Variants in PLPPR1 observed in about 807,000 individuals in gnomAD.
PLPPR1 encodes the protein phospholipid phosphatase-related protein type 1.
In PLPPR1, 10 loss-of-function variants were observed where a neutral mutation model predicts 33.1. The observed-to-expected ratio is 0.30, with a 90% confidence interval of 0.19 to 0.51. The LOEUF (loss-of-function observed/expected upper bound fraction) is 0.51, where lower values mean the gene tolerates loss of function less well. Ranked by LOEUF, PLPPR1 falls within the 20% of genes least tolerant of loss-of-function variation. The pLI is 0.97. For synonymous variants in PLPPR1, 151 were observed against 151.0 expected, an observed-to-expected ratio of 1.00 and a Z score of 0.00; for missense variants, 304 against 408.1, an observed-to-expected ratio of 0.74 and a Z score of 2.20.
chr9:101,087,633 C>T (rs570333161), intron 1 of PLPPR1, among the ~76,000 whole-genome samples: 2 of 152,208 alleles, frequency 1.3e-5, no homozygotes, highest in Admixed American at 1.3e-4. Context: ...TCTTTGTTCT[C>T]AGAAAATGTG....
At chr9:101,085,185 G>A (rs1478162767) in intron 1 of PLPPR1, among the ~76,000 whole-genome samples, 1 of 152,158 alleles carries the variant, frequency 6.6e-6, no homozygotes, top group African/African-American at 2.4e-5. Flanking sequence ...ACACAAGAGG[G>A]AGGGGGTGAA....
At chr9:101,291,162 A>G (rs1027199103) in intron 4 of PLPPR1, among the ~76,000 whole-genome samples, 1 of 152,204 alleles carries the variant, frequency 6.6e-6, no homozygotes, top group Non-Finnish European at 1.5e-5. Flanking sequence ...GGAGGGTCCT[A>G]CGCCCATGGA....
At chr9:101,046,766 C>A (rs958265953) in intron 1 of PLPPR1, among the ~76,000 whole-genome samples, 3 of 152,136 alleles carry the variant, frequency 2.0e-5, no homozygotes, top group Non-Finnish European at 4.4e-5. Flanking sequence ...GTTACAAAAC[C>A]CAGTAAAACA....
chr9:101,122,866 A>T (rs1325288359), intron 1 of PLPPR1, among the ~76,000 whole-genome samples: 1 of 152,218 alleles, frequency 6.6e-6, no homozygotes, highest in African/African-American at 2.4e-5. Context: ...GCTGTGTTTC[A>T]GTTCTGTCCA....
At chr9:101,252,270 T>TA (rs1383010163) in intron 2 of PLPPR1, among the ~76,000 whole-genome samples, 5 of 152,156 alleles carry the variant, frequency 3.3e-5, no homozygotes, top group Non-Finnish European at 7.4e-5. Context: ...AACATTTCCA[T>TA]AAATGCACAG....
chr9:101,061,085 C>G (rs78121032), intron 1 of PLPPR1, among the ~76,000 whole-genome samples: 2 of 151,774 alleles, frequency 1.3e-5, no homozygotes, highest in African/African-American at 2.4e-5. Flanking sequence ...AATTAACTTC[C>G]CAGTGTGGAT....
At chr9:101,092,546 T>C (rs1484507626) in intron 1 of PLPPR1, among the ~76,000 whole-genome samples, 1 of 152,186 alleles carries the variant, frequency 6.6e-6, no homozygotes, top group Non-Finnish European at 1.5e-5. Flanking sequence ...AGCCTTATCC[T>C]ACCTCTCTGT....
chr9:101,095,096 G>A (rs1830799024), intron 1 of PLPPR1, among the ~76,000 whole-genome samples: 1 of 152,126 alleles, frequency 6.6e-6, no homozygotes. Context: ...CCCTTTCTCA[G>A]ATCTTCAAAT....
Position 101,317,454 on chromosome 9 carries a change from T to C in PLPPR1, c.903T>C (p.Ala301=). ...ATCCCCGTGGAGTACCCCTAATGGC[T>C]TTCCCAAGGATAGAAAGCCCTCTGG... ...PEDPRGVPLM[A]FPRIESPLET... The change falls in exon 7 of 8, where the codon GCT becomes GCC. Residue 301 remains alanine (A), a synonymous_variant. Transcript: ENST00000374874. 1 of 1,614,052 alleles carries C rather than the reference T, an allele frequency of 6.2e-7. No homozygotes were observed. The highest frequency in any genetic ancestry group is 8.5e-7 in the Non-Finnish European group (1 of 1,179,988).
At chr9:101,073,867 G>T (rs1250319620) in intron 1 of PLPPR1, among the ~76,000 whole-genome samples, 1 of 151,932 alleles carries the variant, frequency 6.6e-6, no homozygotes, top group East Asian at 1.9e-4. Flanking sequence ...TAATCTATAT[G>T]AATCTGTTTT....
At chr9:101,164,792 GTGTT>G (rs901805759) in intron 1 of PLPPR1, among the ~76,000 whole-genome samples, 1 of 152,098 alleles carries the variant, frequency 6.6e-6, no homozygotes, top group South Asian at 2.1e-4. Flanking sequence ...GTTTTTCAGG[GTGTT>G]TGTTTGTTTG....
chr9:101,184,209 G>T (rs1826166489), intron 1 of PLPPR1, among the ~76,000 whole-genome samples: 1 of 151,664 alleles, frequency 6.6e-6, no homozygotes, highest in East Asian at 1.9e-4. Flanking sequence ...AATTTTAATT[G>T]AAAAAAATTA....
intron 1 of PLPPR1, among the ~76,000 whole-genome samples, chr9:101,029,851 T>C (rs1201536718): frequency 6.6e-6 from 1 of 152,198 alleles, no homozygotes; most frequent in Non-Finnish European, 1.5e-5. Context: ...CGCTGGGAGC[T>C]GAACAGGGGC....
At chr9:101,183,336 A>G (rs937450635) in intron 1 of PLPPR1, among the ~76,000 whole-genome samples, 5 of 151,866 alleles carry the variant, frequency 3.3e-5, no homozygotes, top group Admixed American at 1.3e-4. Context: ...TAAAAGGAAA[A>G]AAATTACTGA....
chr9:101,286,266 C>G, intron 4 of PLPPR1, 30 bp downstream of exon 4: 1 of 1,565,400 alleles, frequency 6.4e-7, no homozygotes. Flanking sequence ...GAACTAAGCT[C>G]TCACATAAAA....
At chr9:101,156,050 G>A (rs1258055371) in intron 1 of PLPPR1, among the ~76,000 whole-genome samples, 1 of 152,202 alleles carries the variant, frequency 6.6e-6, no homozygotes, top group African/African-American at 2.4e-5. Flanking sequence ...ACTTAGCACT[G>A]GGGTTATAGC....
intron 2 of PLPPR1, among the ~76,000 whole-genome samples, chr9:101,255,422 G>GTCTT (rs1250482654): frequency 2.0e-5 from 3 of 152,064 alleles, no homozygotes; most frequent in Non-Finnish European, 4.4e-5. Flanking sequence ...TTGATTTCCT[G>GTCTT]TCTTTCCCTT....
chr9:101,095,234 G>A (rs1830802433), intron 1 of PLPPR1, among the ~76,000 whole-genome samples: 1 of 151,302 alleles, frequency 6.6e-6, no homozygotes, highest in Non-Finnish European at 1.5e-5. Flanking sequence ...GATTTTATTT[G>A]AATAACATCT....
intron 1 of PLPPR1, among the ~76,000 whole-genome samples, chr9:101,110,091 G>A (rs1005156053): frequency 6.6e-6 from 1 of 152,178 alleles, no homozygotes; most frequent in Admixed American, 6.5e-5. Context: ...AATATAATAT[G>A]TATGTAAAGT....
Sources: gnomAD v4.1 joint callset for allele counts (sites outside exome capture counted in the v4.1 genomes callset) on GRCh38, gnomAD v4.1.1 for gene constraint, MANE v1.5 for transcripts, NCBI Gene and HGNC (gene_info 2026-07-23, HGNC 2026-07-21) for gene names.